The following SEMA3D variants were observed in gnomAD, a reference collection of about 807,000 sequenced individuals.
SEMA3D encodes the protein semaphorin-3D.
In SEMA3D, 84 loss-of-function variants were observed where a neutral mutation model predicts 100.1. The observed-to-expected ratio is 0.84, with a 90% CI of 0.70 to 1.01. The LOEUF (loss-of-function observed/expected upper bound fraction) is 1.01, where lower values mean the gene tolerates loss of function less well. SEMA3D is among the 50% of genes least tolerant of loss of function. The pLI is 0.00. For missense variants in SEMA3D, 875 were observed against 934.1 expected, an observed-to-expected ratio of 0.94 and a Z score of 0.82; for synonymous variants, 312 against 320.7, an observed-to-expected ratio of 0.97 and a Z score of 0.29.
intron 2 of SEMA3D, 83 bp from the exon 3 acceptor site, chr7:85,122,014 A>C: frequency 3.0e-4 from 184 of 623,108 alleles, no homozygotes; most frequent in East Asian, 5.6e-4. Context: ...ATATCATCTC[A>C]CTCTTAAGTG....
intron 1 of SEMA3D, among the ~76,000 whole-genome samples, chr7:85,156,395 T>C (rs929187473): frequency 1.3e-5 from 2 of 152,292 alleles, no homozygotes; most frequent in South Asian, 4.1e-4. Flanking sequence ...CCACCACACC[T>C]GGCCACAAGT....
At chr7:85,075,374 G>A (rs1010478866) in intron 5 of SEMA3D, among the ~76,000 whole-genome samples, 1 of 151,350 alleles carries the variant, frequency 6.6e-6, no homozygotes, top group Non-Finnish European at 1.5e-5. Flanking sequence ...AGACAAATAT[G>A]GTCCAGGGCA....
intron 8 of SEMA3D, among the ~76,000 whole-genome samples, chr7:85,058,670 C>A (rs1193624521): frequency 6.6e-6 from 1 of 150,418 alleles, no homozygotes; most frequent in Non-Finnish European, 1.5e-5. Context: ...ATGGCCTGAA[C>A]CCGGGAGGCG....
rs73379805 is a variant in SEMA3D at position 85,106,002 on chromosome 7, T to G, written c.152-8037A>C. Among the ~76,000 whole-genome samples, 882 of 152,196 alleles carry G rather than the reference T, an allele frequency of 5.8e-3. 11 individuals are homozygous for G. The highest frequency in any genetic ancestry group is 0.02 in the African/African-American group (818 of 41,552). On this transcript the variant is annotated intron_variant, in intron 3 of 18. Transcript: ENST00000284136. ...CTTTATATAATCCATCATTGTGAGA[T>G]TTATCATTTATAGTTACGGAGTAAA...
intron 1 of SEMA3D, among the ~76,000 whole-genome samples, chr7:85,158,741 C>T (rs1790664872): frequency 6.6e-6 from 1 of 152,006 alleles, no homozygotes; most frequent in South Asian, 2.1e-4. Flanking sequence ...CGGAACCTGC[C>T]CACATGTGAT....
At chr7:85,060,267 T>C (rs1352580956) in intron 8 of SEMA3D, among the ~76,000 whole-genome samples, 1 of 152,214 alleles carries the variant, frequency 6.6e-6, no homozygotes, top group Non-Finnish European at 1.5e-5. Flanking sequence ...TGCTTTATTC[T>C]GTGATTTAAA....
intron 2 of SEMA3D, among the ~76,000 whole-genome samples, chr7:85,132,525 G>A (rs1789754348): frequency 6.6e-6 from 1 of 151,818 alleles, no homozygotes; most frequent in South Asian, 2.1e-4. Context: ...ATGTATCTTA[G>A]AACATCTTAA....
chr7:85,159,767 A>C, intron 1 of SEMA3D: 2 of 836,414 alleles, frequency 2.4e-6, no homozygotes, highest in Non-Finnish European at 2.9e-6. Flanking sequence ...GATTTGATGT[A>C]GCTGCAGAGC....
chr7:85,073,503 G>A lies in SEMA3D; in HGVS notation c.376-422C>T, dbSNP rs115603113. ...GGACTCAAGAGATCCTCCTTACTCA[G>A]CCTCCTGAGTAGCTAGGACTACAAG... On this transcript the variant is annotated intron_variant, in intron 5 of 18. Coordinates refer to ENST00000284136, the MANE Select transcript of SEMA3D (RefSeq NM_001384900.1). Among the ~76,000 whole-genome samples the A allele has an allele frequency of 8.3e-3, 1,267 of 151,762 alleles. 10 individuals are homozygous for A. Among genetic ancestry groups the A allele is most frequent in the African/African-American group, 0.028 (1,176 of 41,374 alleles).
At chr7:85,095,689 A>G (rs1007099154) in intron 4 of SEMA3D, among the ~76,000 whole-genome samples, 5 of 152,078 alleles carry the variant, frequency 3.3e-5, no homozygotes, top group African/African-American at 1.2e-4. Flanking sequence ...GGATACCTAT[A>G]TAACATAAAT....
chr7:85,119,192 T>C (rs1480689886), intron 3 of SEMA3D, among the ~76,000 whole-genome samples: 1 of 152,204 alleles, frequency 6.6e-6, no homozygotes, highest in Non-Finnish European at 1.5e-5. Context: ...TTAACCATTG[T>C]GGAAGACAGT....
chr7:85,131,205 C>T (rs1789716215), intron 2 of SEMA3D, among the ~76,000 whole-genome samples: 1 of 151,984 alleles, frequency 6.6e-6, no homozygotes, highest in Admixed American at 6.6e-5. Context: ...GCCTGTAAAG[C>T]AGAGTTTTCA....
rs1333990087 is a variant in SEMA3D, at chr7:84,995,983, T to C, written c.*3457A>G. ...TAAAAACACTTCAAATATCTTTTTT[T>C]TTTTTTGGTTTGTTTCTAAATTATC... is the stretch of plus-strand genomic sequence containing the variant. On this transcript the variant is annotated 3_prime_UTR_variant, in exon 19 of 19. Coordinates refer to ENST00000284136, the MANE Select transcript of SEMA3D (RefSeq NM_001384900.1). The C allele has an allele frequency of 6.6e-6, 1 of 152,058 alleles. No homozygotes were observed. Among genetic ancestry groups the C allele is most frequent in the Admixed American group, 6.5e-5 (1 of 15,276 alleles). The allele number at this position is 152,058 out of a possible 1,614,324, so 9.4% of individuals were successfully genotyped here. A position where few individuals can be genotyped will look rare whatever the true frequency, so the allele number is the denominator to read the frequency against.
intron 5 of SEMA3D, among the ~76,000 whole-genome samples, chr7:85,076,882 T>G (rs1791939788): frequency 6.6e-6 from 1 of 152,068 alleles, no homozygotes; most frequent in South Asian, 2.1e-4. Context: ...GATCATGAGG[T>G]CAGGATTTCA....
chr7:85,048,120 T>G (rs1292084013), intron 9 of SEMA3D, among the ~76,000 whole-genome samples: 1 of 151,882 alleles, frequency 6.6e-6, no homozygotes, highest in East Asian at 1.9e-4. Flanking sequence ...TTGGCCATTT[T>G]TACAAATTCA....
chr7:85,154,376 C>T (rs543422653), intron 1 of SEMA3D, among the ~76,000 whole-genome samples: 1 of 152,020 alleles, frequency 6.6e-6, no homozygotes, highest in Non-Finnish European at 1.5e-5. Flanking sequence ...ATGGAACAAA[C>T]ATGGATGTTC....
chr7:85,219,506 T>C, the SEMA3D span, among the ~76,000 whole-genome samples: 1 of 152,196 alleles, frequency 6.6e-6, no homozygotes, highest in South Asian at 2.1e-4. Context: ...TATCATATGG[T>C]AAATATATGT....
At chr7:85,055,682 A>AG in intron 9 of SEMA3D, 35 bp downstream of exon 9, 1 of 315,698 alleles carries the variant, frequency 3.2e-6, no homozygotes, top group South Asian at 6.4e-5. Context: ...ATATATATAT[A>AG]TATGTTTTAA....
intron 2 of SEMA3D, among the ~76,000 whole-genome samples, chr7:85,126,410 T>TGTC (rs1562828162): frequency 1.3e-3 from 172 of 132,756 alleles, no homozygotes; most frequent in East Asian, 4.2e-3. Context: ...GTGTCGTGTG[T>TGTC]GTGTGTGTGT....
Sources: allele counts gnomAD v4.1 joint callset (sites outside exome capture counted in the v4.1 genomes callset), GRCh38; gene constraint gnomAD v4.1.1; transcripts MANE v1.5; gene names NCBI Gene and HGNC (gene_info 2026-07-23, HGNC 2026-07-21).